The following RPS6KA2 variants were observed in gnomAD, a reference collection of about 807,000 sequenced individuals.
RPS6KA2 encodes ribosomal protein S6 kinase alpha-2.
A neutral mutation model predicts 91.8 loss-of-function variants in RPS6KA2; 42 were observed. That is an observed-to-expected ratio of 0.46 (90% CI 0.36 to 0.59). The LOEUF is 0.59. Ranked by LOEUF, RPS6KA2 falls within the 20% of genes least tolerant of loss-of-function variation. The pLI, the probability that RPS6KA2 is intolerant of heterozygous loss-of-function variation, is 0.00. For missense variants in RPS6KA2, 798 were observed against 978.5 expected, an observed-to-expected ratio of 0.82 and a Z score of 2.46; for synonymous variants, 414 against 393.6, an observed-to-expected ratio of 1.05 and a Z score of -0.61.
intron 10 of RPS6KA2, among the ~76,000 whole-genome samples, chr6:166,472,712 G>A (rs1057091426): frequency 7.9e-5 from 12 of 152,134 alleles, no homozygotes; most frequent in African/African-American, 1.2e-4. Flanking sequence ...GACAAATGAC[G>A]GTGAGTGGAG....
chr6:166,683,576 A>C (rs1017376828), intron 2 of RPS6KA2, among the ~76,000 whole-genome samples: 1 of 152,248 alleles, frequency 6.6e-6, no homozygotes, highest in African/African-American at 2.4e-5. Context: ...ATCTAAGGAC[A>C]ATGTGTGACT....
chr6:166,803,744 G>A (rs1001762920), intron 2 of RPS6KA2, among the ~76,000 whole-genome samples: 2 of 152,132 alleles, frequency 1.3e-5, no homozygotes, highest in East Asian at 3.8e-4. Flanking sequence ...GCCATGGAGC[G>A]AAAGACTGGG....
intron 10 of RPS6KA2, among the ~76,000 whole-genome samples, chr6:166,486,678 T>C (rs1486980454): frequency 3.3e-5 from 5 of 152,272 alleles, no homozygotes; most frequent in Non-Finnish European, 7.3e-5. Context: ...GGTGTCTCCA[T>C]GTGCCCTGGC....
chr6:166,618,908 C>T (rs945909203), intron 1 of RPS6KA2, among the ~76,000 whole-genome samples: 14 of 152,016 alleles, frequency 9.2e-5, no homozygotes, highest in African/African-American at 3.2e-4. Flanking sequence ...CTGAGAGACA[C>T]ACTGGACGCT....
At chr6:166,480,866 T>C (rs1447168098) in intron 10 of RPS6KA2, among the ~76,000 whole-genome samples, 1 of 152,122 alleles carries the variant, frequency 6.6e-6, no homozygotes, top group East Asian at 1.9e-4. Flanking sequence ...GCCAGGCTGG[T>C]CTTGAACTCC....
At chr6:166,591,095 C>G (rs1785339862) in intron 1 of RPS6KA2, among the ~76,000 whole-genome samples, 1 of 152,248 alleles carries the variant, frequency 6.6e-6, no homozygotes, top group African/African-American at 2.4e-5. Context: ...GCAATGTTCA[C>G]TGAGCATCAG....
chr6:166,837,275 C>T (rs9457225), intron 2 of RPS6KA2, among the ~76,000 whole-genome samples: 87,718 of 151,932 alleles, frequency 0.58, 26,251 homozygotes, highest in Middle Eastern at 0.73. Flanking sequence ...CCCAGCCCTT[C>T]CCCGGGGTGG....
chr6:166,708,827 C>T (rs1028934301), intron 2 of RPS6KA2, among the ~76,000 whole-genome samples: 1 of 152,240 alleles, frequency 6.6e-6, no homozygotes, highest in Non-Finnish European at 1.5e-5. Context: ...GAAATACATA[C>T]TTCTGAACTG....
chr6:166,781,076 G>A (rs1479655936), intron 2 of RPS6KA2, among the ~76,000 whole-genome samples: 1 of 152,174 alleles, frequency 6.6e-6, no homozygotes, highest in East Asian at 1.9e-4. Context: ...CAGTATTGCT[G>A]GGTTGTAAAT....
chr6:166,538,958 C>T (rs368715106), intron 1 of RPS6KA2, among the ~76,000 whole-genome samples, 174 bp from the exon 2 acceptor site: 1 of 150,902 alleles, frequency 6.6e-6, no homozygotes. Context: ...TTTCTTAAGA[C>T]GGAGTCTCAC....
intron 2 of RPS6KA2, among the ~76,000 whole-genome samples, chr6:166,809,190 C>T (rs997225095): frequency 1.3e-5 from 2 of 151,992 alleles, no homozygotes; most frequent in South Asian, 2.1e-4. Flanking sequence ...CTTTGTAGCA[C>T]TATGTGTAGC....
chr6:166,457,567 G>A (rs1198050595), intron 12 of RPS6KA2, among the ~76,000 whole-genome samples: 2 of 152,160 alleles, frequency 1.3e-5, no homozygotes, highest in Admixed American at 1.3e-4. Flanking sequence ...TCTACCTGGG[G>A]ACTGCAGGAT....
rs10946179 is a variant in RPS6KA2, at chr6:166,626,975, A to T, written c.45T>A (p.Ser15=). The change falls in exon 1 of 21, where the codon TCT becomes TCA. Residue 15 remains serine (S), a synonymous_variant. Transcript: ENST00000265678. This position sits in a 1 kb window ranked among gnomAD's most constrained non-coding sequence, Gnocchi z 4.1. ...AGCGCGACTTCCTGCGCAGGTACAC[A>T]GAGAAGAACCTGCGCACGGCGAACT... is the stretch of plus-strand genomic sequence containing the variant. ...MKKFAVRRFF[S]VYLRRKSRSK... is the part of the protein sequence containing the mutation. The T allele has an allele frequency of 2.6e-6, 4 of 1,561,110 alleles. No homozygotes were observed. The East Asian group carries it at 7.5e-5, about 29-fold the overall frequency.
chr6:166,799,795 G>A (rs181289910), intron 2 of RPS6KA2, among the ~76,000 whole-genome samples: 169 of 152,034 alleles, frequency 1.1e-3, no homozygotes, highest in Middle Eastern at 3.4e-3. Flanking sequence ...GGGAACAGGC[G>A]GTGTTTGGTT....
At chr6:166,550,845 CA>C (rs1485414774) in intron 1 of RPS6KA2, among the ~76,000 whole-genome samples, 3 of 151,878 alleles carry the variant, frequency 2.0e-5, no homozygotes, top group South Asian at 2.1e-4. Flanking sequence ...TACTAAAATA[CA>C]AAAAATTAGC....
At chr6:166,538,586 C>A in intron 2 of RPS6KA2, 82 bp downstream of exon 2, 1 of 789,458 alleles carries the variant, frequency 1.3e-6, no homozygotes, top group Non-Finnish European at 2.2e-6. Context: ...GGACCGCCTG[C>A]AATTTTCATC....
intron 10 of RPS6KA2, among the ~76,000 whole-genome samples, chr6:166,478,713 A>G (rs1318013211): frequency 6.6e-6 from 1 of 152,208 alleles, no homozygotes; most frequent in Non-Finnish European, 1.5e-5. Context: ...TCAGATGAGC[A>G]GGAAGCAATG....
intron 1 of RPS6KA2, among the ~76,000 whole-genome samples, chr6:166,540,536 G>C (rs1783621833): frequency 6.6e-6 from 1 of 152,202 alleles, no homozygotes; most frequent in South Asian, 2.1e-4. Flanking sequence ...AGTGCAGTTG[G>C]AAGATACAGA....
chr6:166,740,361 T>C (rs1466200927), intron 2 of RPS6KA2, among the ~76,000 whole-genome samples: 1 of 152,190 alleles, frequency 6.6e-6, no homozygotes. Context: ...CAAAACACAG[T>C]TAAAATCTAT....
Sources: allele counts gnomAD v4.1 joint callset (sites outside exome capture counted in the v4.1 genomes callset), GRCh38; gene constraint gnomAD v4.1.1; non-coding constraint Gnocchi (gnomAD v3.1); transcripts MANE v1.5; gene names NCBI Gene and HGNC (gene_info 2026-07-23, HGNC 2026-07-21).